Variants in KCNQ3 observed in about 807,000 individuals in gnomAD.
The protein encoded by KCNQ3 is potassium voltage-gated channel subfamily Q member 3.
KCNQ3 carries 30 observed loss-of-function variants against 92.5 expected under a neutral mutation model. The observed-to-expected ratio is 0.32, with a 90% confidence interval of 0.24 to 0.44. The LOEUF is 0.44. Ranked by LOEUF, KCNQ3 falls within the 20% of genes least tolerant of loss-of-function variation. The pLI is 1.00. For synonymous variants in KCNQ3, 450 were observed against 468.8 expected, an observed-to-expected ratio of 0.96 and a Z score of 0.52; for missense variants, 913 against 1,140.3, an observed-to-expected ratio of 0.80 and a Z score of 2.87.
chr8:132,376,812 T>C (rs1819622045), intron 1 of KCNQ3, among the ~76,000 whole-genome samples: 1 of 152,134 alleles, frequency 6.6e-6, no homozygotes, highest in Non-Finnish European at 1.5e-5. Context: ...GAGAGATAAG[T>C]GACACTGACT....
In KCNQ3 at chr8:132,125,979, C is replaced by G. The variant is rs1286002463; in HGVS notation, c.*3283G>C. ...CAAACGATCTCAAGTACTTCTTTCT[C>G]AGCTCAATAGGATCATGTTTCGCTT... is the stretch of plus-strand genomic sequence containing the variant. On this transcript the variant is annotated 3_prime_UTR_variant, in exon 15 of 15. Coordinates refer to ENST00000388996, the MANE Select transcript of KCNQ3 (RefSeq NM_004519.4). 6.6e-6 allele frequency: 1 copy of G among 152,182 alleles called. No homozygotes were observed. The highest frequency in any genetic ancestry group is 1.5e-5 in the Non-Finnish European group (1 of 68,032). The allele number at this position is 152,182 out of a possible 1,614,324, so 9.4% of individuals were successfully genotyped here. A position where few individuals can be genotyped will look rare whatever the true frequency, so the allele number is the denominator to read the frequency against.
At chr8:132,281,245 C>T (rs146865207) in intron 1 of KCNQ3, among the ~76,000 whole-genome samples, 2 of 152,262 alleles carry the variant, frequency 1.3e-5, no homozygotes, top group East Asian at 3.9e-4. Context: ...TAGGAAAGCT[C>T]TGTCTCCTGA....
rs145182625 is a variant in KCNQ3 at position 132,173,971 on chromosome 8, C to T, written c.1044+268G>A. Among the ~76,000 whole-genome samples, 13 of 152,312 alleles carry T rather than the reference C, an allele frequency of 8.5e-5. No homozygotes were observed. In the South Asian group the frequency reaches 1.4e-3, roughly 17 times the overall value. Reference sequence around the variant, plus strand: ...TAGCATAGGGCCAGAAACTCCTTTACAGAATTATTCCCAGAGTTATGCCCA... The same window carrying T: ...TAGCATAGGGCCAGAAACTCCTTTATAGAATTATTCCCAGAGTTATGCCCA... On this transcript the variant is annotated intron_variant, in intron 6 of 14. Transcript: ENST00000388996.
At chr8:132,251,214 C>T (rs1815396503) in intron 1 of KCNQ3, among the ~76,000 whole-genome samples, 1 of 152,042 alleles carries the variant, frequency 6.6e-6, no homozygotes, top group Admixed American at 6.6e-5. Flanking sequence ...AGGCAGTGAG[C>T]CATGAGTGCA....
chr8:132,416,741 G>A (rs1667026042), intron 1 of KCNQ3, among the ~76,000 whole-genome samples: 1 of 152,156 alleles, frequency 6.6e-6, no homozygotes, highest in African/African-American at 2.4e-5. Flanking sequence ...CCCTCAAGGG[G>A]TTTCCAGTCT....
At chr8:132,232,302 A>G (rs1038365510) in intron 1 of KCNQ3, among the ~76,000 whole-genome samples, 4 of 152,220 alleles carry the variant, frequency 2.6e-5, no homozygotes, top group Non-Finnish European at 4.4e-5. Flanking sequence ...GTAGGTCTAG[A>G]GGGAGGTGCC....
At chr8:132,235,268 G>A (rs1436623180) in intron 1 of KCNQ3, among the ~76,000 whole-genome samples, 2 of 143,444 alleles carry the variant, frequency 1.4e-5, no homozygotes, top group Non-Finnish European at 3.0e-5. Flanking sequence ...GGAGGCCAAG[G>A]GTGGGGGGGG....
chr8:132,350,883 A>T (rs965483098), intron 1 of KCNQ3, among the ~76,000 whole-genome samples: 1 of 152,166 alleles, frequency 6.6e-6, no homozygotes, highest in Admixed American at 6.6e-5. Flanking sequence ...TGAAAACTCA[A>T]GAGAGAGGAA....
chr8:132,129,586 G>A lies in KCNQ3; in HGVS notation c.2295C>T (p.Asp765=), dbSNP rs201183533. 6.2e-7 allele frequency: 1 copy of A among 1,614,202 alleles called. No individual in the cohort carries two copies. Among genetic ancestry groups the A allele is most frequent in the Admixed American group, 1.7e-5 (1 of 60,020 alleles). Residue 765 remains aspartate (D), a synonymous_variant, in exon 15 of 15, where the codon GAC becomes GAT. Transcript: ENST00000388996. This position sits in a 1 kb window ranked among gnomAD's most constrained non-coding sequence, Gnocchi z 5.9. ...TTCGGTCCGAGTAGGGGCCCTGCAG[G>A]TCAGCCTGGGAGTGGCAGCTCACTC... ...DSRVSCHSQA[D]LQGPYSDRIS...
At chr8:132,208,274 G>A (rs1813730055) in intron 1 of KCNQ3, among the ~76,000 whole-genome samples, 3 of 151,862 alleles carry the variant, frequency 2.0e-5, no homozygotes, top group Admixed American at 2.0e-4. Flanking sequence ...CATGGCACAT[G>A]CTACTCTGCT....
At chr8:132,148,610 G>A (rs1257986974) in intron 9 of KCNQ3, among the ~76,000 whole-genome samples, 1 of 152,232 alleles carries the variant, frequency 6.6e-6, no homozygotes, top group Admixed American at 6.5e-5. Flanking sequence ...CTGTGAGGGT[G>A]GAAGAGATTA....
chr8:132,389,217 G>C (rs1819983977), intron 1 of KCNQ3, among the ~76,000 whole-genome samples: 1 of 152,206 alleles, frequency 6.6e-6, no homozygotes, highest in South Asian at 2.1e-4. Context: ...AGCACTTTGG[G>C]AGGCTGAGGT....
At chr8:132,224,054 T>A (rs925666971) in intron 1 of KCNQ3, among the ~76,000 whole-genome samples, 3 of 140,366 alleles carry the variant, frequency 2.1e-5, no homozygotes, top group African/African-American at 7.7e-5. Flanking sequence ...TAGCTGAGAC[T>A]ACAGACACAC....
chr8:132,186,077 G>A lies in KCNQ3; in HGVS notation c.477+14C>T, dbSNP rs764162623. 1 of 1,596,872 alleles carries A rather than the reference G, an allele frequency of 6.3e-7. No homozygotes were observed. The highest frequency in any genetic ancestry group is 8.6e-7 in the Non-Finnish European group (1 of 1,164,512). The stretch of plus-strand genomic sequence containing the variant: ...AGCCCAACCAGAAGCATTTACCCCA[G>A]AATGCAATCTTACCAGTAACAGAAG... On this transcript the variant is annotated intron_variant, in intron 2 of 14. Coordinates refer to ENST00000388996, the MANE Select transcript of KCNQ3 (RefSeq NM_004519.4).
intron 1 of KCNQ3, among the ~76,000 whole-genome samples, chr8:132,265,497 G>A (rs935918776): frequency 1.3e-5 from 2 of 152,222 alleles, no homozygotes; most frequent in African/African-American, 4.8e-5. Context: ...TTTGTTTCCT[G>A]ATGTTTCTAG....
chr8:132,275,554 T>C (rs531797664), intron 1 of KCNQ3, among the ~76,000 whole-genome samples: 12 of 150,668 alleles, frequency 8.0e-5, no homozygotes, highest in Non-Finnish European at 1.3e-4. Flanking sequence ...CATGGGATCA[T>C]GGGATTTTTA....
At chr8:132,304,315 C>A (rs758513136) in intron 1 of KCNQ3, among the ~76,000 whole-genome samples, 30 of 152,202 alleles carry the variant, frequency 2.0e-4, no homozygotes, top group Non-Finnish European at 3.7e-4. Context: ...TTTAAAAATG[C>A]CATAAAATAA....
intron 1 of KCNQ3, among the ~76,000 whole-genome samples, chr8:132,298,022 C>A (rs1586906102): frequency 2.0e-5 from 3 of 152,262 alleles, no homozygotes; most frequent in Admixed American, 6.5e-5. Flanking sequence ...AATATTGATG[C>A]TTTTGTTCCC....
intron 1 of KCNQ3, among the ~76,000 whole-genome samples, chr8:132,338,785 C>A (rs1818438425): frequency 6.6e-6 from 1 of 152,200 alleles, no homozygotes; most frequent in Non-Finnish European, 1.5e-5. Flanking sequence ...AGGCAGGAAA[C>A]TGGTCTTCCC....
Sources: allele counts gnomAD v4.1 joint callset (sites outside exome capture counted in the v4.1 genomes callset), GRCh38; gene constraint gnomAD v4.1.1; non-coding constraint Gnocchi (gnomAD v3.1); transcripts MANE v1.5; gene names NCBI Gene and HGNC (gene_info 2026-07-23, HGNC 2026-07-21).